ATP7A: variants seen among roughly 807,000 people sequenced by gnomAD.
ATP7A encodes ATPase copper transporting alpha.
Under a neutral mutation model 83.5 loss-of-function variants are expected in ATP7A, and 7 were observed. That is an observed-to-expected ratio of 0.08 (90% confidence interval 0.05 to 0.16). The LOEUF (loss-of-function observed/expected upper bound fraction) is 0.16. ATP7A is among the 10% of genes least tolerant of loss of function. The probability of loss-of-function intolerance (pLI) is 1.00; values close to 1 mark genes in which losing one functional copy is unlikely to be tolerated. For synonymous variants in ATP7A, 354 were observed against 395.2 expected, an observed-to-expected ratio of 0.90 and a Z score of 1.24; for missense variants, 940 against 1,120.8, an observed-to-expected ratio of 0.84 and a Z score of 2.30.
Position 78,048,227 on chromosome X carries a change from G to A in ATP7A, c.*1657G>A, listed in dbSNP as rs782306079. 3 of 112,026 alleles carry A rather than the reference G, an allele frequency of 2.7e-5. No homozygotes were observed. 9.2% of individuals were successfully genotyped at this position (112,026 alleles called of 1,213,427 possible). A position where few individuals can be genotyped will look rare whatever the true frequency, so the allele number is the denominator to read the frequency against. On this transcript the variant is annotated 3_prime_UTR_variant, in exon 23 of 23. Transcript: ENST00000341514. The stretch of plus-strand genomic sequence containing the variant: ...CTGGTCAGAGATCTGGTACTTGTAA[G>A]ACTATTTAAATTTCTTTGTTAGTTG...
At chrX:77,971,864 C>T in intron 2 of ATP7A, 103 bp downstream of exon 2, 1 of 950,856 alleles carries the variant, frequency 1.1e-6, no homozygotes, top group South Asian at 2.1e-5. Flanking sequence ...ACACATTTGG[C>T]AATAAAAACT....
rs1024491526 is a variant in ATP7A, at chrX:77,913,567, T to C, written c.-22+2732T>C. Among the ~76,000 whole-genome samples, 5 of 112,228 alleles carry C rather than the reference T, an allele frequency of 4.5e-5. No individual in the cohort carries two copies. The East Asian group carries it at 1.4e-3, about 31-fold the overall frequency. ...GCTTACTTAACTTGCTGAGATAGTT[T>C]GGCAGGAAAAATATCAAAATTCCTT... On this transcript the variant is annotated intron_variant, in intron 1 of 22. Coordinates refer to ENST00000341514, the MANE Select transcript of ATP7A (RefSeq NM_000052.7).
chrX:77,919,180 T>C (rs1164146411), intron 1 of ATP7A, among the ~76,000 whole-genome samples: 1 of 112,074 alleles, frequency 8.9e-6, no homozygotes, highest in African/African-American at 3.2e-5. Context: ...TGAATTCCAA[T>C]CAGATGTCTG....
chrX:77,989,843 C>T lies in ATP7A; in HGVS notation c.1221C>T (p.Ser407=). The change falls in exon 4 of 23, where the codon TCC becomes TCT. Residue 407 remains serine, a synonymous_variant. Coordinates refer to ENST00000341514, the MANE Select transcript of ATP7A (RefSeq NM_000052.7). ...GVISKKPGVK[S]IRVSLANSNG... ...TATCAAAAAAGCCAGGTGTAAAATC[C>T]ATACGAGTCTCCCTTGCAAATAGCA... 1 of 1,210,526 alleles carries T rather than the reference C, an allele frequency of 8.3e-7. No individual in the cohort carries two copies. The highest frequency in any genetic ancestry group is 2.2e-5 in the Admixed American group (1 of 45,922).
chrX:77,956,789 C>CTT (rs2077447102), intron 1 of ATP7A, among the ~76,000 whole-genome samples: 1 of 58,241 alleles, frequency 1.7e-5, no homozygotes, highest in Admixed American at 2.0e-4. Flanking sequence ...CTTTCTTTCT[C>CTT]TTTCTTTCTT....
intron 5 of ATP7A, among the ~76,000 whole-genome samples, chrX:77,999,331 A>G (rs958520442): frequency 1.8e-5 from 2 of 111,748 alleles, no homozygotes; most frequent in Admixed American, 9.6e-5. Flanking sequence ...CCTAAAACTG[A>G]CAAATAGAAT....
intron 10 of ATP7A, among the ~76,000 whole-genome samples, chrX:78,013,313 G>C (rs782709901): frequency 1.4e-4 from 16 of 111,851 alleles, no homozygotes; most frequent in South Asian, 7.4e-4. Context: ...AGATAGTACA[G>C]TATGTCTGTT....
At position 77,947,737 on chromosome X, in the gene ATP7A, A is replaced by ATT. The variant is rs782600933; in HGVS notation, c.-21-23866_-21-23865dup. On this transcript the variant is annotated intron_variant, in intron 1 of 22. Transcript: ENST00000341514. ...AGGCATGAGCCACCATGCCTGGCCA[A>ATT]TTTTTTTTTTTTTTTTTTTGCGACA... is the stretch of plus-strand genomic sequence containing the variant. 5.4e-3 allele frequency among the ~76,000 whole-genome samples: 330 copies of ATT among 61,681 alleles called. 7 individuals carry two copies. Among genetic ancestry groups the ATT allele is most frequent in the African/African-American group, 0.013 (212 of 15,723 alleles). The allele number at this position is 61,681 out of a possible 115,157, so 53.6% of individuals were successfully genotyped here.
In ATP7A at chrX:78,049,139, A is replaced by AT. The variant is rs2078098265; in HGVS notation, c.*2572dup. ...TTCATTAGCTTCAAAGAGAAGCTGTATTTACAGGAGAAAGAGGTGATTATG... is the reference window on the plus strand; with the variant it reads ...TTCATTAGCTTCAAAGAGAAGCTGTATTTTACAGGAGAAAGAGGTGATTATG... On this transcript the variant is annotated 3_prime_UTR_variant, in exon 23 of 23. Transcript: ENST00000341514. 8.9e-6 allele frequency: 1 copy of AT among 111,989 alleles called. No individual in the cohort carries two copies. Among genetic ancestry groups the AT allele is most frequent in the South Asian group, 3.7e-4 (1 of 2,734 alleles). The allele number at this position is 111,989 out of a possible 1,213,427, so 9.2% of individuals were successfully genotyped here. A position where few individuals can be genotyped will look rare whatever the true frequency, so the allele number is the denominator to read the frequency against.
At chrX:78,014,581 C>T in intron 10 of ATP7A, 81 bp from the exon 11 acceptor site, 1 of 742,522 alleles carries the variant, frequency 1.3e-6, no homozygotes, top group Non-Finnish European at 2.1e-6. Flanking sequence ...TGGGTAAATG[C>T]TAAAGATTGT....
At chrX:78,003,833 T>C (rs1364400204) in intron 6 of ATP7A, among the ~76,000 whole-genome samples, 1 of 110,989 alleles carries the variant, frequency 9.0e-6, no homozygotes, top group Non-Finnish European at 1.9e-5. Flanking sequence ...TCCCAGCTAC[T>C]TGGGAGGCTG....
At chrX:77,990,385 G>T (rs2077662711) in intron 4 of ATP7A, among the ~76,000 whole-genome samples, 1 of 111,693 alleles carries the variant, frequency 9.0e-6, no homozygotes, top group Non-Finnish European at 1.9e-5. Context: ...AAGATTCCTG[G>T]TAGGATATGA....
chrX:78,033,448 T>C (rs1284985310), intron 16 of ATP7A, among the ~76,000 whole-genome samples, 157 bp from the exon 17 acceptor site: 1 of 113,128 alleles, frequency 8.8e-6, no homozygotes, highest in African/African-American at 3.2e-5. Context: ...TGTTTGATGC[T>C]CTATTCCTTT....
intron 1 of ATP7A, among the ~76,000 whole-genome samples, chrX:77,911,495 A>G (rs908421166): frequency 1.8e-5 from 2 of 111,384 alleles, no homozygotes; most frequent in East Asian, 2.8e-4. Context: ...CTTTATCTAC[A>G]ATAGTATGGC....
At chrX:77,998,814 G>A in intron 5 of ATP7A, 130 bp downstream of exon 5, 1 of 713,492 alleles carries the variant, frequency 1.4e-6, no homozygotes, top group East Asian at 3.2e-5. Flanking sequence ...GTAATGTGTG[G>A]GACAACCCCG....
At position 78,031,469 on chromosome X, in the gene ATP7A, G is replaced by C; in HGVS notation, c.3181G>C (p.Val1061Leu). 8.3e-7 allele frequency: 1 copy of C among 1,211,010 alleles called. No homozygotes were observed. The highest frequency in any genetic ancestry group is 1.8e-5 in the South Asian group (1 of 56,998). The change falls in exon 16 of 23, where the codon GTT becomes CTT. Residue 1061 changes from valine (V) to leucine (L), a missense_variant. Around this residue, in one of 3 missense-constraint regions of ATP7A, gnomAD observed 386 missense variants for 502.2 expected, o/e 0.77. Coordinates refer to ENST00000341514, the MANE Select transcript of ATP7A (RefSeq NM_000052.7). ...AACCCCAGTGGTGAATCAAGTAAAG[G>C]TTCTAACTGAAAGTAACAGAATATC... ...HGTPVVNQVK[V>L]LTESNRISHH...
At chrX:78,014,468 A>G (rs984995020) in intron 10 of ATP7A, among the ~76,000 whole-genome samples, 194 bp from the exon 11 acceptor site, 8 of 111,463 alleles carry the variant, frequency 7.2e-5, no homozygotes, top group Non-Finnish European at 1.5e-4. Context: ...CTGAAGTGAA[A>G]CATTTTCTAG....
intron 21 of ATP7A, among the ~76,000 whole-genome samples, chrX:78,044,630 T>C (rs1033033584): frequency 1.8e-5 from 2 of 111,925 alleles, no homozygotes; most frequent in Admixed American, 1.9e-4. Context: ...TATTCTATTA[T>C]AGTCAGCTGG....
chrX:78,006,688 A>T (rs2077778056), intron 6 of ATP7A, among the ~76,000 whole-genome samples: 1 of 111,811 alleles, frequency 8.9e-6, no homozygotes, highest in South Asian at 3.7e-4. Flanking sequence ...GCAACCACTA[A>T]TCTACTTTGT....
Sources: gnomAD v4.1 joint callset for allele counts (sites outside exome capture counted in the v4.1 genomes callset) on GRCh38, gnomAD v4.1.1 for gene constraint, gnomAD v4.1.1 regional missense constraint, MANE v1.5 for transcripts, NCBI Gene and HGNC (gene_info 2026-07-23, HGNC 2026-07-21) for gene names.